DNAH12: variants seen among roughly 807,000 people sequenced by gnomAD.
The protein encoded by DNAH12 is dynein axonemal heavy chain 12.
In DNAH12, 285 loss-of-function variants were observed where a neutral mutation model predicts 371.5. That is an observed-to-expected ratio of 0.77 (90% confidence interval 0.70 to 0.85). The LOEUF is 0.85. Ranked by LOEUF, DNAH12 falls within the 40% of genes least tolerant of loss-of-function variation. The pLI is 0.00. For missense variants in DNAH12, 3,611 were observed against 3,689.4 expected (o/e 0.98, Z 0.55); for synonymous variants, 1,200 against 1,213.0 (o/e 0.99, Z 0.22).
intron 39 of DNAH12, among the ~76,000 whole-genome samples, chr3:57,413,014 T>G (rs2064255311): frequency 6.6e-6 from 1 of 152,216 alleles, no homozygotes; most frequent in South Asian, 2.1e-4. Context: ...TATTCATAAT[T>G]GTTGAAAACT....
At chr3:57,472,383 G>T (rs1182302745) in intron 14 of DNAH12, among the ~76,000 whole-genome samples, 163 bp downstream of exon 14, 2 of 152,140 alleles carry the variant, frequency 1.3e-5, no homozygotes, top group Non-Finnish European at 2.9e-5. Flanking sequence ...AAGCCTAACA[G>T]CTTGTCTTAA....
At chr3:57,411,608 T>C (rs570347868) in intron 39 of DNAH12, among the ~76,000 whole-genome samples, 1 of 115,278 alleles carries the variant, frequency 8.7e-6, no homozygotes, top group East Asian at 2.6e-4. Flanking sequence ...CCCAATGAAA[T>C]ACTTAGGGAT....
intron 69 of DNAH12, among the ~76,000 whole-genome samples, chr3:57,302,556 T>TGG (rs1559535353): frequency 1.4e-4 from 14 of 99,314 alleles, no homozygotes; most frequent in African/African-American, 5.4e-4. Context: ...TATATATATA[T>TGG]ATATATATGT....
chr3:57,369,592 C>T (rs1193949698), intron 55 of DNAH12, among the ~76,000 whole-genome samples: 3 of 151,860 alleles, frequency 2.0e-5, no homozygotes, highest in Non-Finnish European at 4.4e-5. Context: ...TGAAATCCCA[C>T]CTAAAGTACA....
chr3:57,539,307 C>T (rs373344085), intron 2 of DNAH12, among the ~76,000 whole-genome samples: 64 of 152,276 alleles, frequency 4.2e-4, no homozygotes, highest in Non-Finnish European at 5.1e-4. Flanking sequence ...TTGTCATGGC[C>T]GACAAGGCCC....
chr3:57,304,506 CTT>C (rs1025064492), intron 69 of DNAH12, among the ~76,000 whole-genome samples: 1 of 152,172 alleles, frequency 6.6e-6, no homozygotes, highest in Non-Finnish European at 1.5e-5. Context: ...CAATCTCTCT[CTT>C]CTCTCAATTT....
intron 60 of DNAH12, among the ~76,000 whole-genome samples, chr3:57,347,755 A>T (rs1171721925): frequency 6.6e-6 from 1 of 151,908 alleles, no homozygotes; most frequent in African/African-American, 2.4e-5. Flanking sequence ...ACCTGAACAG[A>T]CATTTCACCA....
intron 69 of DNAH12, among the ~76,000 whole-genome samples, chr3:57,304,072 C>T (rs991220995): frequency 5.3e-5 from 8 of 150,100 alleles, no homozygotes; most frequent in Middle Eastern, 3.4e-3. Context: ...CACTCCTGCC[C>T]GCCAGAGAAC....
intron 11 of DNAH12, among the ~76,000 whole-genome samples, chr3:57,496,306 T>A (rs2067319915): frequency 6.6e-6 from 1 of 152,116 alleles, no homozygotes; most frequent in South Asian, 2.1e-4. Context: ...GTCTGGTATT[T>A]TAAGGCACTA....
chr3:57,499,642 AAAAAAATATAT>A (rs1205073863), intron 11 of DNAH12, among the ~76,000 whole-genome samples: 1 of 40,478 alleles, frequency 2.5e-5, no homozygotes, highest in African/African-American at 9.3e-5. Flanking sequence ...AAAAAAAAAA[AAAAAAATATAT>A]ATATATATAT....
intron 55 of DNAH12, among the ~76,000 whole-genome samples, chr3:57,369,248 T>TAA (rs1360855890): frequency 1.4e-5 from 2 of 144,112 alleles, no homozygotes; most frequent in African/African-American, 5.0e-5. Flanking sequence ...TATATATATA[T>TAA]AAAACTGTAT....
chr3:57,361,090 C>T (rs1333477619), intron 58 of DNAH12, among the ~76,000 whole-genome samples: 3 of 151,972 alleles, frequency 2.0e-5, no homozygotes, highest in African/African-American at 7.3e-5. Context: ...TGACTCACGC[C>T]TGTAATCCCT....
intron 33 of DNAH12, among the ~76,000 whole-genome samples, chr3:57,429,198 C>T (rs1033471827): frequency 2.3e-4 from 35 of 149,664 alleles, no homozygotes; most frequent in African/African-American, 7.6e-4. Context: ...TTTTTTGAGA[C>T]GGAGTTTCAC....
chr3:57,335,512 G>A (rs568031871), intron 60 of DNAH12, among the ~76,000 whole-genome samples: 1 of 152,176 alleles, frequency 6.6e-6, no homozygotes, highest in Non-Finnish European at 1.5e-5. Flanking sequence ...ACATCATAAC[G>A]TGTACTTACA....
At chr3:57,367,942 C>T (rs2063087109) in intron 56 of DNAH12, 104 bp downstream of exon 56, 2 of 152,288 alleles carry the variant, frequency 1.3e-5, no homozygotes, top group South Asian at 4.2e-4. Context: ...AGAAGTTCTG[C>T]ATTATTAACA....
At chr3:57,396,714 G>A (rs1418516093) in intron 43 of DNAH12, among the ~76,000 whole-genome samples, 2 of 152,324 alleles carry the variant, frequency 1.3e-5, no homozygotes, top group African/African-American at 4.8e-5. Flanking sequence ...TGCGATTACA[G>A]GTCTGTTCTA....
At chr3:57,412,668 G>C (rs781794006) in intron 39 of DNAH12, among the ~76,000 whole-genome samples, 21 of 152,102 alleles carry the variant, frequency 1.4e-4, no homozygotes, top group Non-Finnish European at 2.6e-4. Context: ...TACAGAGAGG[G>C]CAAATAAACA....
rs529184103 is a variant in DNAH12, at chr3:57,346,691, ACT to A, written c.9674+5392_9674+5393del. Among the ~76,000 whole-genome samples the A allele has an allele frequency of 3.7e-3, 570 of 152,290 alleles. 6 individuals are homozygous for A. The highest frequency in any genetic ancestry group is 0.013 in the African/African-American group (544 of 41,572). On this transcript the variant is annotated intron_variant, in intron 60 of 73. Coordinates refer to ENST00000495027, the MANE Select transcript of DNAH12 (RefSeq NM_001366028.2). ...AGAGTGGATCCAAAAGCAAGACCCA[ACT>A]ATATGCTGTCTACAGGAAACCCACT...
At chr3:57,406,500 T>A (rs1553681320) in intron 40 of DNAH12, among the ~76,000 whole-genome samples, 1 of 152,132 alleles carries the variant, frequency 6.6e-6, no homozygotes, top group African/African-American at 2.4e-5. Flanking sequence ...TCCGATTCCA[T>A]CCAAGCCCAG....
Sources: gnomAD v4.1 joint callset for allele counts (sites outside exome capture counted in the v4.1 genomes callset) on GRCh38, gnomAD v4.1.1 for gene constraint, MANE v1.5 for transcripts, NCBI Gene and HGNC (gene_info 2026-07-23, HGNC 2026-07-21) for gene names.